The following FANCI variants were observed in gnomAD, a reference collection of about 807,000 sequenced individuals.
The protein encoded by FANCI is Fanconi anemia group I protein.
FANCI carries 156 observed loss-of-function variants against 176.1 expected under a neutral mutation model. The ratio of observed to expected loss-of-function variants is 0.89; its 90% CI spans 0.78 to 1.01. The LOEUF (loss-of-function observed/expected upper bound fraction) is 1.01. Ranked by LOEUF, FANCI falls within the 50% of genes least tolerant of loss-of-function variation. The pLI, the probability that FANCI is intolerant of heterozygous loss-of-function variation, is 0.00. For missense variants in FANCI, 1,678 were observed against 1,534.1 expected (o/e 1.09, Z -1.57); for synonymous variants, 613 against 541.7 (o/e 1.13, Z -1.83).
At chr15:89,269,734 G>A (rs1440036347) in intron 10 of FANCI, among the ~76,000 whole-genome samples, 1 of 152,092 alleles carries the variant, frequency 6.6e-6, no homozygotes. Context: ...ACTAACGAGT[G>A]TGGCTGTTTT....
chr15:89,285,532 C>A (rs1032639523), intron 18 of FANCI, among the ~76,000 whole-genome samples: 1 of 152,200 alleles, frequency 6.6e-6, no homozygotes, highest in African/African-American at 2.4e-5. Flanking sequence ...GAGGCTGAGG[C>A]AGGAGGATCC....
Position 89,293,088 on chromosome 15 carries a change from T to C in FANCI, c.2291+25T>C, listed in dbSNP as rs1482324941. 1.9e-6 allele frequency: 3 copies of C among 1,609,464 alleles called. No homozygotes were observed. In the African/African-American group the frequency reaches 4.0e-5, roughly 22 times the overall value. ...GGTAAGGTTTTGCTATAACTCCATT[T>C]GTAATTTGATGAATTCTCCATTTTA... On this transcript the variant is annotated intron_variant, in intron 22 of 37. Transcript: ENST00000310775.
chr15:89,301,966 G>T (rs767098764), intron 27 of FANCI, among the ~76,000 whole-genome samples: 19 of 152,178 alleles, frequency 1.2e-4, no homozygotes, highest in Non-Finnish European at 1.9e-4. Context: ...ATGTATGTTT[G>T]TGTAAGTGTG....
At chr15:89,266,007 T>C (rs1288199340) in intron 9 of FANCI, among the ~76,000 whole-genome samples, 5 of 151,016 alleles carry the variant, frequency 3.3e-5, no homozygotes, top group African/African-American at 1.2e-4. Flanking sequence ...TCTTTTTTTT[T>C]TTTTTTTTTA....
In FANCI at chr15:89,283,369, TCTGATGATGATGATGGTG is replaced by T. The variant is rs1214501944; in HGVS notation, c.1698+135_1698+152del. The T allele has an allele frequency of 1.4e-5, 21 of 1,460,784 alleles. No homozygotes were observed. In the Admixed American group the frequency reaches 3.3e-4, roughly 23 times the overall value. The allele number at this position is 1,460,784 out of a possible 1,614,324, so 90.5% of individuals were successfully genotyped here. On this transcript the variant is annotated intron_variant, in intron 17 of 37. Coordinates refer to ENST00000310775, the MANE Select transcript of FANCI (RefSeq NM_001113378.2). ...TAAGAATGATCCTAGAACTAAAGAG[TCTGATGATGATGATGGTG>T]CTGATGATGATGATGATGATGATAT...
intron 12 of FANCI, among the ~76,000 whole-genome samples, chr15:89,274,813 C>T (rs1265658003): frequency 6.6e-6 from 1 of 151,864 alleles, no homozygotes; most frequent in Non-Finnish European, 1.5e-5. Flanking sequence ...CCATATTGCC[C>T]AGGCTGGTCT....
intron 31 of FANCI, 102 bp downstream of exon 31, chr15:89,305,800 T>C: frequency 3.0e-6 from 4 of 1,313,484 alleles, no homozygotes; most frequent in Non-Finnish European, 4.4e-6. Flanking sequence ...AAATTTCTTA[T>C]TTGCCTTTAA....
At chr15:89,244,363 G>C (rs1396127203) in intron 1 of FANCI, 1 of 152,186 alleles carries the variant, frequency 6.6e-6, no homozygotes, top group Admixed American at 6.5e-5. Context: ...CAGCTGCTTC[G>C]TGTTATAGTT....
chr15:89,285,669 ATATTT>A (rs1168395078), intron 18 of FANCI, among the ~76,000 whole-genome samples: 1 of 152,170 alleles, frequency 6.6e-6, no homozygotes, highest in East Asian at 1.9e-4. Flanking sequence ...TAGACCTTAA[ATATTT>A]TATTTTAATT....
In FANCI at chr15:89,265,558, C is replaced by G. The variant is rs2052908933; in HGVS notation, c.755+951C>G. Among the ~76,000 whole-genome samples, 3 of 150,600 alleles carry G rather than the reference C, an allele frequency of 2.0e-5. No individual in the cohort carries two copies. The South Asian group carries it at 6.3e-4, about 32-fold the overall frequency. ...TTTTTTTTTGAGATGGGGTCTCACT[C>G]TGTTGCCCAGACTGGAGTGCAGTGG... is the stretch of plus-strand genomic sequence containing the variant. On this transcript the variant is annotated intron_variant, in intron 9 of 37. Coordinates refer to ENST00000310775, the MANE Select transcript of FANCI (RefSeq NM_001113378.2).
Position 89,285,606 on chromosome 15 carries a change from C to A in FANCI, c.1821+388C>A, listed in dbSNP as rs74902765. 5.3e-3 allele frequency among the ~76,000 whole-genome samples: 801 copies of A among 152,250 alleles called. 26 individuals are homozygous for A. In the East Asian group the frequency reaches 0.092, roughly 17 times the overall value. ...CCCTCCAACCCAGGCAACAGTGAGACCTTGTCTCTCAAAAAAATTTTTTTA... is the reference window on the plus strand; with the variant it reads ...CCCTCCAACCCAGGCAACAGTGAGAACTTGTCTCTCAAAAAAATTTTTTTA... On this transcript the variant is annotated intron_variant, in intron 18 of 37. Transcript: ENST00000310775.
chr15:89,276,051 C>T (rs1476104151), intron 12 of FANCI, among the ~76,000 whole-genome samples: 1 of 152,206 alleles, frequency 6.6e-6, no homozygotes, highest in African/African-American at 2.4e-5. Flanking sequence ...CTACTTCATT[C>T]TGTAGTGCTG....
intron 28 of FANCI, 80 bp downstream of exon 28, chr15:89,303,995 T>TC: frequency 1.5e-6 from 2 of 1,337,022 alleles, no homozygotes; most frequent in South Asian, 2.4e-5. Context: ...GAAAAGGTAT[T>TC]CCCCATTCAT....
At chr15:89,249,973 A>G (rs945530922) in intron 2 of FANCI, among the ~76,000 whole-genome samples, 1 of 152,246 alleles carries the variant, frequency 6.6e-6, no homozygotes, top group East Asian at 1.9e-4. Context: ...GCACAAAGAA[A>G]ACATGGGTAG....
rs774616561 is a variant in FANCI at position 89,305,325 on chromosome 15, C to T, written c.3187-16C>T. 2.5e-6 allele frequency: 4 copies of T among 1,614,212 alleles called. No homozygotes were observed. Among genetic ancestry groups the T allele is most frequent in the East Asian group, 4.5e-5 (2 of 44,888 alleles). On this transcript the variant is annotated splice_polypyrimidine_tract_variant and intron_variant, in intron 29 of 37. Transcript: ENST00000310775. Reference sequence around the variant, plus strand: ...ACCTTACTGTCATTAGGTCTCACCTCTCTTCTTTTCCCCAGGATGTAGAGG... The same window carrying T: ...ACCTTACTGTCATTAGGTCTCACCTTTCTTCTTTTCCCCAGGATGTAGAGG...
intron 19 of FANCI, 22 bp from the exon 20 acceptor site, chr15:89,291,590 CT>C (rs759843245): frequency 8.2e-6 from 13 of 1,590,074 alleles, no homozygotes; most frequent in Non-Finnish European, 9.5e-6. Flanking sequence ...GCCAAGATGT[CT>C]TTTTTTTCTT....
chr15:89,261,853 T>C lies in FANCI; in HGVS notation c.478T>C (p.Leu160=). The C allele has an allele frequency of 6.2e-7, 1 of 1,614,086 alleles. No homozygotes were observed. The highest frequency in any genetic ancestry group is 8.5e-7 in the Non-Finnish European group (1 of 1,179,954). Residue 160 remains leucine, a synonymous_variant, in exon 6 of 38, where the codon TTG becomes CTG. Transcript: ENST00000310775. ...GAGTGGGGAAGAATGTAAGAAACAG[T>C]TGATTAACACCCTGTGTTCTGGCAG... ...VLSGEECKKQ[L]INTLCSGRWD...
chr15:89,263,384 G>A, intron 6 of FANCI, 35 bp from the exon 7 acceptor site: 1 of 1,584,516 alleles, frequency 6.3e-7, no homozygotes, highest in South Asian at 1.1e-5. Flanking sequence ...TAAATAAGTT[G>A]TAAAGAAATA....
Position 89,292,800 on chromosome 15 carries a change from T to C in FANCI, c.2105T>C (p.Leu702Pro), listed in dbSNP as rs1361816431. The change falls in exon 21 of 38, where the codon CTA (leucine) becomes CCA (proline). Residue 702 changes from leucine to proline, a missense_variant. This residue lies in a region of FANCI where 1,204 missense variants were observed against 1,077.4 expected (regional missense o/e 1.12). Coordinates refer to ENST00000310775, the MANE Select transcript of FANCI (RefSeq NM_001113378.2). Reference protein sequence around the residue: ...EEEEEAFYEDLDDILESITNR... With the variant: ...EEEEEAFYEDPDDILESITNR... The stretch of plus-strand genomic sequence containing the variant: ...GAGGAAGAGGCATTCTACGAAGACC[T>C]AGATGATATATTGGAGTCCATTACT... The C allele has an allele frequency of 5.6e-6, 9 of 1,613,960 alleles. No homozygotes were observed. The highest frequency in any genetic ancestry group is 2.7e-5 in the African/African-American group (2 of 74,920).
Sources: gnomAD v4.1 joint callset for allele counts (sites outside exome capture counted in the v4.1 genomes callset) on GRCh38, gnomAD v4.1.1 for gene constraint, gnomAD v4.1.1 regional missense constraint, MANE v1.5 for transcripts, NCBI Gene and HGNC (gene_info 2026-07-23, HGNC 2026-07-21) for gene names.